SCHIP1: variants seen among roughly 807,000 people sequenced by gnomAD.
SCHIP1 encodes schwannomin-interacting protein 1.
A neutral mutation model predicts 29.7 loss-of-function variants in SCHIP1; 8 were observed. That is an observed-to-expected ratio of 0.27 (90% CI 0.16 to 0.49). The LOEUF (loss-of-function observed/expected upper bound fraction) is 0.49. Ranked by LOEUF, SCHIP1 falls within the 20% of genes least tolerant of loss-of-function variation. SCHIP1 has a pLI of 0.99. For missense variants in SCHIP1, 193 were observed against 294.6 expected (o/e 0.66, Z 2.52); for synonymous variants, 76 against 94.9 (o/e 0.80, Z 1.16).
chr3:159,496,949 T>G, the SCHIP1 span, among the ~76,000 whole-genome samples: 1 of 152,174 alleles, frequency 6.6e-6, no homozygotes, highest in Admixed American at 6.5e-5. Flanking sequence ...GTTCATGTCC[T>G]TTGTAGCGAC....
chr3:159,770,347 C>T, the SCHIP1 span, among the ~76,000 whole-genome samples: 1 of 152,196 alleles, frequency 6.6e-6, no homozygotes, highest in Non-Finnish European at 1.5e-5. Context: ...GCCACCTCCG[C>T]CTGCTCAGTT....
intron 1 of SCHIP1, among the ~76,000 whole-genome samples, chr3:159,846,793 C>T (rs1711902759): frequency 6.6e-6 from 1 of 151,846 alleles, no homozygotes; most frequent in Non-Finnish European, 1.5e-5. Flanking sequence ...TTATTGTCTG[C>T]CTTGTTGAGA....
chr3:159,701,921 C>G, the SCHIP1 span, among the ~76,000 whole-genome samples: 8 of 152,080 alleles, frequency 5.3e-5, no homozygotes, highest in African/African-American at 1.2e-4. Flanking sequence ...GAAGACTGAT[C>G]TACATTGAAG....
chr3:159,320,422 C>G, the SCHIP1 span, among the ~76,000 whole-genome samples: 1 of 152,118 alleles, frequency 6.6e-6, no homozygotes, highest in African/African-American at 2.4e-5. Context: ...CCGTGAGAAA[C>G]AAATTTCCGT....
the SCHIP1 span, among the ~76,000 whole-genome samples, chr3:159,692,045 G>A: frequency 4.7e-5 from 6 of 127,368 alleles, no homozygotes; most frequent in East Asian, 6.6e-4. Context: ...TTTTTGAGAC[G>A]GAGTCTCGCT....
At chr3:159,478,903 C>T in the SCHIP1 span, among the ~76,000 whole-genome samples, 5 of 152,098 alleles carry the variant, frequency 3.3e-5, no homozygotes, top group East Asian at 5.8e-4. Context: ...TTTTGTATGA[C>T]GATTTTGTAT....
At chr3:159,763,940 A>AGGGGCGGGGCGGGGCGGGGCC in the SCHIP1 span, 1 of 142,210 alleles carries the variant, frequency 7.0e-6, no homozygotes, top group African/African-American at 2.6e-5. Flanking sequence ...CGGGCGGGGA[A>AGGGGCGGGGCGGGGCGGGGCC]GGGGCGGGGC....
the SCHIP1 span, among the ~76,000 whole-genome samples, chr3:159,774,921 A>G: frequency 3.9e-5 from 6 of 152,000 alleles, no homozygotes; most frequent in South Asian, 1.2e-3. Context: ...TGGCTTATCC[A>G]TCATCAGCAA....
At chr3:159,314,224 G>A in the SCHIP1 span, among the ~76,000 whole-genome samples, 1 of 152,180 alleles carries the variant, frequency 6.6e-6, no homozygotes, top group Non-Finnish European at 1.5e-5. Context: ...ATGGGTAGAA[G>A]TTTGTAAACT....
At chr3:159,383,074 G>A in the SCHIP1 span, among the ~76,000 whole-genome samples, 14 of 149,724 alleles carry the variant, frequency 9.4e-5, no homozygotes, top group South Asian at 1.1e-3. Flanking sequence ...TCACTCTGAC[G>A]GTAGCTTCTT....
chr3:159,373,193 C>T, the SCHIP1 span, among the ~76,000 whole-genome samples: 6 of 151,436 alleles, frequency 4.0e-5, no homozygotes, highest in Non-Finnish European at 7.4e-5. Context: ...CTCTTAATAT[C>T]CTCTACATAC....
At chr3:159,834,845 TC>T in the SCHIP1 span, among the ~76,000 whole-genome samples, 4 of 152,162 alleles carry the variant, frequency 2.6e-5, no homozygotes, top group African/African-American at 9.7e-5. Flanking sequence ...AAAATGAATC[TC>T]GTGTTTAGAC....
the SCHIP1 span, among the ~76,000 whole-genome samples, chr3:159,393,696 A>T: frequency 1.3e-5 from 2 of 150,782 alleles, no homozygotes; most frequent in Non-Finnish European, 3.0e-5. Context: ...TACCAGTACC[A>T]TGCTGTTTTG....
At chr3:159,682,357 T>C in the SCHIP1 span, among the ~76,000 whole-genome samples, 1 of 152,138 alleles carries the variant, frequency 6.6e-6, no homozygotes, top group African/African-American at 2.4e-5. Flanking sequence ...ATAAAATGAC[T>C]CGAGAAAAGG....
At chr3:159,890,453 A>G (rs1232210765) in intron 5 of SCHIP1, among the ~76,000 whole-genome samples, 1 of 152,124 alleles carries the variant, frequency 6.6e-6, no homozygotes, top group East Asian at 1.9e-4. Flanking sequence ...AAAAAATGAA[A>G]TTTTTCCACA....
chr3:159,700,928 T>C, the SCHIP1 span, among the ~76,000 whole-genome samples: 3 of 152,078 alleles, frequency 2.0e-5, no homozygotes, highest in South Asian at 4.2e-4. Context: ...CATGGTGTGA[T>C]GTGGTGTGGT....
the SCHIP1 span, among the ~76,000 whole-genome samples, chr3:159,686,425 A>G: frequency 2.6e-5 from 4 of 152,228 alleles, no homozygotes; most frequent in Admixed American, 6.5e-5. Flanking sequence ...TATGTTTTCA[A>G]GTGCTACGAG....
At chr3:159,548,816 A>G in the SCHIP1 span, among the ~76,000 whole-genome samples, 3 of 152,090 alleles carry the variant, frequency 2.0e-5, no homozygotes, top group Non-Finnish European at 4.4e-5. Flanking sequence ...ATCTTTGAAC[A>G]TAGATATCAT....
the SCHIP1 span, among the ~76,000 whole-genome samples, chr3:159,772,197 C>CTGCA: frequency 6.6e-6 from 1 of 152,208 alleles, no homozygotes; most frequent in Admixed American, 6.5e-5. Flanking sequence ...GTCGCCCAGG[C>CTGCA]TGCAGTACAG....
Sources: allele counts gnomAD v4.1 joint callset (sites outside exome capture counted in the v4.1 genomes callset), GRCh38; gene constraint gnomAD v4.1.1; transcripts MANE v1.5; gene names NCBI Gene and HGNC (gene_info 2026-07-23, HGNC 2026-07-21).